The following COG7 variants were observed in gnomAD, a reference collection of about 807,000 sequenced individuals.
COG7 encodes the protein component of oligomeric golgi complex 7.
In COG7, 49 loss-of-function variants were observed where a neutral mutation model predicts 91.5. The ratio of observed to expected loss-of-function variants is 0.54; its 90% CI spans 0.43 to 0.68. The LOEUF (loss-of-function observed/expected upper bound fraction) is 0.68, where lower values mean the gene tolerates loss of function less well. COG7 is among the 30% of genes least tolerant of loss of function. The pLI is 0.00. For missense variants in COG7, 895 were observed against 961.3 expected, an observed-to-expected ratio of 0.93 and a Z score of 0.91; for synonymous variants, 365 against 388.7, an observed-to-expected ratio of 0.94 and a Z score of 0.72.
At chr16:23,427,211 A>G (rs913679514) in intron 6 of COG7, among the ~76,000 whole-genome samples, 1 of 152,142 alleles carries the variant, frequency 6.6e-6, no homozygotes, top group African/African-American at 2.4e-5. Flanking sequence ...AGATTGCACC[A>G]CTGCACTCCA....
intron 14 of COG7, among the ~76,000 whole-genome samples, chr16:23,394,621 C>T (rs984428246): frequency 2.6e-5 from 4 of 151,956 alleles, no homozygotes; most frequent in African/African-American, 9.7e-5. Flanking sequence ...CTCAATCTGG[C>T]CTCACACATG....
intron 4 of COG7, among the ~76,000 whole-genome samples, chr16:23,437,425 T>C (rs1220041145): frequency 6.6e-6 from 1 of 152,112 alleles, no homozygotes; most frequent in Non-Finnish European, 1.5e-5. Context: ...CAAGAGAATG[T>C]GAGGAACAAA....
chr16:23,432,314 T>G (rs1358652961), intron 6 of COG7, among the ~76,000 whole-genome samples: 3 of 152,056 alleles, frequency 2.0e-5, no homozygotes, highest in Non-Finnish European at 4.4e-5. Flanking sequence ...CTGATGAACA[T>G]CTGAAGAGTG....
chr16:23,406,321 G>A (rs1963461624), intron 11 of COG7, 59 bp from the exon 12 acceptor site: 1 of 1,424,622 alleles, frequency 7.0e-7, no homozygotes, highest in Middle Eastern at 1.7e-4. Flanking sequence ...TTTCTTCTTG[G>A]AGCAGTCAGA....
At chr16:23,444,121 G>A (rs935049293) in intron 3 of COG7, among the ~76,000 whole-genome samples, 33 of 149,926 alleles carry the variant, frequency 2.2e-4, no homozygotes, top group African/African-American at 7.9e-4. Context: ...CTGGGCTTCA[G>A]AATGAGACTC....
intron 14 of COG7, among the ~76,000 whole-genome samples, chr16:23,394,167 T>C (rs972925300): frequency 2.6e-5 from 4 of 152,002 alleles, no homozygotes; most frequent in African/African-American, 9.7e-5. Context: ...CATTTATAAC[T>C]ATAAATTACT....
chr16:23,445,230 C>G, intron 2 of COG7, 66 bp from the exon 3 acceptor site: 1 of 1,091,794 alleles, frequency 9.2e-7, no homozygotes, highest in Non-Finnish European at 1.4e-6. Flanking sequence ...CCACCAGGGA[C>G]TTGAAATGTA....
At position 23,389,148 on chromosome 16, in the gene COG7, C is replaced by T. The variant is rs934314300; in HGVS notation, c.2147-62G>A. 277 of 1,578,612 alleles carry T rather than the reference C, an allele frequency of 1.8e-4. 3 individuals are homozygous for T. The highest frequency in any genetic ancestry group is 2.1e-4 in the Admixed American group (12 of 57,424). ...GACTCAGCACCAAGCAGGTCAGAGC[C>T]CCACAGGGCCTCCCCTGAATACGAC... On this transcript the variant is annotated intron_variant, in intron 16 of 16. Transcript: ENST00000307149.
chr16:23,389,399 TCA>T (rs1242080243), intron 16 of COG7, among the ~76,000 whole-genome samples: 1 of 149,708 alleles, frequency 6.7e-6, no homozygotes, highest in South Asian at 2.2e-4. Context: ...ACATCCAAAC[TCA>T]CACAAACTCG....
chr16:23,392,564 C>T, intron 15 of COG7, 41 bp from the exon 16 acceptor site: 1 of 1,613,426 alleles, frequency 6.2e-7, no homozygotes, highest in South Asian at 1.1e-5. Context: ...CACAGGCCTG[C>T]AGTAGCTGCT....
chr16:23,423,402 G>A (rs1459976318), intron 7 of COG7, among the ~76,000 whole-genome samples: 1 of 152,170 alleles, frequency 6.6e-6, no homozygotes, highest in East Asian at 1.9e-4. Context: ...CTGTCTCAAG[G>A]GTGGTTCTCT....
At chr16:23,400,155 C>G (rs989657864) in intron 13 of COG7, among the ~76,000 whole-genome samples, 1 of 151,984 alleles carries the variant, frequency 6.6e-6, no homozygotes, top group African/African-American at 2.4e-5. Context: ...TAAGAAGTTG[C>G]TAAAAACAGA....
At chr16:23,402,218 C>A (rs1963389188) in intron 13 of COG7, among the ~76,000 whole-genome samples, 1 of 152,118 alleles carries the variant, frequency 6.6e-6, no homozygotes, top group African/African-American at 2.4e-5. Flanking sequence ...TCCTATAGAT[C>A]TATCCACTGA....
chr16:23,450,915 C>T (rs183507023), intron 1 of COG7, among the ~76,000 whole-genome samples: 43 of 151,046 alleles, frequency 2.8e-4, no homozygotes, highest in African/African-American at 9.7e-4. Context: ...CACATCTGGC[C>T]GGGCACAGTG....
At chr16:23,393,503 T>C (rs1963234639) in intron 14 of COG7, 156 bp from the exon 15 acceptor site, 6 of 651,328 alleles carry the variant, frequency 9.2e-6, no homozygotes, top group South Asian at 6.9e-5. Context: ...ATGCTTGTTA[T>C]GGCAGTACCC....
At chr16:23,408,498 CT>C (rs1354177747) in intron 11 of COG7, among the ~76,000 whole-genome samples, 1 of 151,006 alleles carries the variant, frequency 6.6e-6, no homozygotes, top group African/African-American at 2.4e-5. Context: ...TAAGGAAGGT[CT>C]GTGCTCTTTG....
chr16:23,409,283 T>C (rs1434418969), intron 11 of COG7, among the ~76,000 whole-genome samples: 1 of 152,184 alleles, frequency 6.6e-6, no homozygotes, highest in Non-Finnish European at 1.5e-5. Flanking sequence ...CACCCAGCTC[T>C]TATGATCACT....
At chr16:23,446,363 G>C (rs910513124) in intron 1 of COG7, 1 of 275,056 alleles carries the variant, frequency 3.6e-6, no homozygotes, top group Non-Finnish European at 6.9e-6. Context: ...AACTCAGAGA[G>C]GTTAAAGTAA....
chr16:23,439,263 C>T lies in COG7; in HGVS notation c.604+3214G>A, dbSNP rs149984890. ...TGGAACTCAAACAGACAGATCATGC[C>T]ACTGCACTCCAGCCTGGGCAACAGA... On this transcript the variant is annotated intron_variant, in intron 4 of 16. Transcript: ENST00000307149. Among the ~76,000 whole-genome samples the T allele has an allele frequency of 9.1e-4, 130 of 142,364 alleles. 2 individuals carry two copies. Among genetic ancestry groups the T allele is most frequent in the African/African-American group, 3.4e-3 (126 of 37,218 alleles). The allele number at this position is 142,364 out of a possible 152,430, so 93.4% of individuals were successfully genotyped here. A position where few individuals can be genotyped will look rare whatever the true frequency, so the allele number is the denominator to read the frequency against.
Sources: gnomAD v4.1 joint callset for allele counts (sites outside exome capture counted in the v4.1 genomes callset) on GRCh38, gnomAD v4.1.1 for gene constraint, MANE v1.5 for transcripts, NCBI Gene and HGNC (gene_info 2026-07-23, HGNC 2026-07-21) for gene names.